CHN2: variants seen among roughly 807,000 people sequenced by gnomAD.
CHN2 encodes chimerin 2.
A neutral mutation model predicts 56.3 loss-of-function variants in CHN2; 35 were observed. The observed-to-expected ratio is 0.62, with a 90% confidence interval of 0.47 to 0.82. The LOEUF (loss-of-function observed/expected upper bound fraction) is 0.82. Among genes scored for constraint, CHN2 ranks in the 40% least tolerant of loss-of-function variants. CHN2 has a pLI of 0.00. For missense variants in CHN2, 491 were observed against 580.5 expected (o/e 0.85, Z 1.58); for synonymous variants, 210 against 212.8 (o/e 0.99, Z 0.12).
chr7:29,149,846 C>G (rs1562795166), intron 2 of CHN2, among the ~76,000 whole-genome samples: 1 of 152,210 alleles, frequency 6.6e-6, no homozygotes, highest in Non-Finnish European at 1.5e-5. Flanking sequence ...GTGTCTGTCT[C>G]TGTGTCCCAA....
At chr7:29,232,368 T>C (rs892919114) in intron 1 of CHN2, among the ~76,000 whole-genome samples, 2 of 152,202 alleles carry the variant, frequency 1.3e-5, no homozygotes, top group Non-Finnish European at 2.9e-5. Context: ...CAGCTCTTAT[T>C]TTCATCTTGT....
chr7:29,263,263 C>T (rs984612395), intron 1 of CHN2, among the ~76,000 whole-genome samples: 8 of 152,218 alleles, frequency 5.3e-5, no homozygotes, highest in Non-Finnish European at 8.8e-5. Context: ...CTCCTGACTG[C>T]GAGTGGTCTG....
Position 29,194,937 on chromosome 7 carries a change from C to A in CHN2, c.-5C>A. On this transcript the variant is annotated 5_prime_UTR_variant, in exon 1 of 13. Transcript: ENST00000222792. The stretch of plus-strand genomic sequence containing the variant: ...AGCGAGCAGCGACGCGAGGGGCGCG[C>A]GGAGATGGCAGCGTCCAGCAACTCC... 1 of 1,567,546 alleles carries A rather than the reference C, an allele frequency of 6.4e-7. No homozygotes were observed. Among genetic ancestry groups the A allele is most frequent in the Non-Finnish European group, 8.6e-7 (1 of 1,160,816 alleles).
At chr7:29,190,183 G>A (rs1378813457), upstream of CHN2, among the ~76,000 whole-genome samples, 1 of 152,202 alleles carries the variant, frequency 6.6e-6, no homozygotes, top group South Asian at 2.1e-4. Context: ...ACTACAGAGC[G>A]AAATATTTCT....
rs534145542 is a variant in CHN2 at position 29,339,579 on chromosome 7, A to C, written c.50-15046A>C. Among the ~76,000 whole-genome samples the C allele has an allele frequency of 3.3e-5, 5 of 152,332 alleles. No homozygotes were observed. The East Asian group carries it at 9.6e-4, about 29-fold the overall frequency. ...CATATTATAACAATGCTAGCCGGGC[A>C]CGGTGGCTCACGCCTATAATCCCAG... On this transcript the variant is annotated intron_variant, in intron 1 of 12. Coordinates refer to ENST00000222792, the MANE Select transcript of CHN2 (RefSeq NM_004067.4).
At chr7:29,492,375 T>A (rs1373285295) in intron 7 of CHN2, among the ~76,000 whole-genome samples, 2 of 152,048 alleles carry the variant, frequency 1.3e-5, no homozygotes, top group Non-Finnish European at 2.9e-5. Flanking sequence ...CTGATTTGAG[T>A]TTCATTTAGC....
At chr7:29,344,204 C>T (rs557312237) in intron 1 of CHN2, among the ~76,000 whole-genome samples, 2 of 152,204 alleles carry the variant, frequency 1.3e-5, no homozygotes, top group African/African-American at 2.4e-5. Flanking sequence ...TCACCTTCCT[C>T]GGTTACTGGA....
chr7:29,238,517 T>A (rs1737929584), intron 1 of CHN2, among the ~76,000 whole-genome samples: 2 of 152,196 alleles, frequency 1.3e-5, no homozygotes, highest in Admixed American at 6.5e-5. Flanking sequence ...GTGCCATGGA[T>A]TCTTCTAGGC....
chr7:29,298,580 T>C (rs951258338), intron 1 of CHN2, among the ~76,000 whole-genome samples: 48 of 152,214 alleles, frequency 3.2e-4, no homozygotes, highest in African/African-American at 1.1e-3. Context: ...TTGCTTTCAT[T>C]TTCCCAAAAA....
intron 6 of CHN2, among the ~76,000 whole-genome samples, chr7:29,465,047 C>T (rs984563068): frequency 1.3e-5 from 2 of 152,174 alleles, no homozygotes; most frequent in East Asian, 1.9e-4. Context: ...TCCTAAAACA[C>T]ATCCCCTTCT....
intron 1 of CHN2, among the ~76,000 whole-genome samples, chr7:29,246,813 A>T (rs1489736056): frequency 1.3e-5 from 2 of 152,156 alleles, no homozygotes; most frequent in Non-Finnish European, 2.9e-5. Context: ...CACATGGTGG[A>T]AGGGATGAGG....
intron 2 of CHN2, among the ~76,000 whole-genome samples, chr7:29,189,746 G>A (rs757496475): frequency 9.2e-5 from 14 of 151,858 alleles, no homozygotes; most frequent in Non-Finnish European, 1.8e-4. Flanking sequence ...TGCAGCGGAT[G>A]GCATGCCTTA....
upstream of CHN2, among the ~76,000 whole-genome samples, chr7:29,191,084 T>A (rs528336466): frequency 6.6e-6 from 1 of 152,098 alleles, no homozygotes; most frequent in East Asian, 1.9e-4. Context: ...ACAGGTTAAC[T>A]ACAACGCCTG....
At chr7:29,350,017 C>T (rs552692805) in intron 1 of CHN2, among the ~76,000 whole-genome samples, 1 of 152,284 alleles carries the variant, frequency 6.6e-6, no homozygotes, top group East Asian at 1.9e-4. Flanking sequence ...ATTTTTCACA[C>T]CACTAATTTT....
intron 1 of CHN2, among the ~76,000 whole-genome samples, chr7:29,264,037 G>T (rs1338456281): frequency 6.7e-6 from 1 of 149,038 alleles, no homozygotes; most frequent in East Asian, 2.1e-4. Flanking sequence ...CGGGTGGGGG[G>T]TGGGGGGCAG....
intron 6 of CHN2, among the ~76,000 whole-genome samples, chr7:29,441,346 TAAAAG>T (rs10585850): frequency 0.023 from 3,450 of 152,290 alleles, 130 homozygotes; most frequent in African/African-American, 0.078. Flanking sequence ...AGTGAAGACT[TAAAAG>T]AAAACATTTC....
chr7:29,485,647 G>A (rs182533982), intron 7 of CHN2, among the ~76,000 whole-genome samples: 76 of 152,338 alleles, frequency 5.0e-4, no homozygotes, highest in Middle Eastern at 3.4e-3. Flanking sequence ...AACAACAGGA[G>A]TGAGAACTTG....
chr7:29,386,642 T>C (rs1800939777), intron 3 of CHN2, among the ~76,000 whole-genome samples: 1 of 152,222 alleles, frequency 6.6e-6, no homozygotes, highest in African/African-American at 2.4e-5. Context: ...TGTCTCTCAC[T>C]GTGCAGCTGT....
At position 29,252,578 on chromosome 7, in the gene CHN2, G is replaced by GTTTTTTTTT. The variant is rs545289689; in HGVS notation, c.49+57608_49+57616dup. On this transcript the variant is annotated intron_variant, in intron 1 of 12. Coordinates refer to ENST00000222792, the MANE Select transcript of CHN2 (RefSeq NM_004067.4). ...CTGTTTGTCTAAAATTGCATTCTTT[G>GTTTTTTTTT]TTTTTTTTTTTTTTTTTTTTTTTTT... is the stretch of plus-strand genomic sequence containing the variant. Among the ~76,000 whole-genome samples, 81 of 19,494 alleles carry GTTTTTTTTT rather than the reference G, an allele frequency of 4.2e-3. 27 individuals carry two copies. The highest frequency in any genetic ancestry group is 5.3e-3 in the Non-Finnish European group (64 of 12,190). The allele number at this position is 19,494 out of a possible 152,430, so 12.8% of individuals were successfully genotyped here. A position where few individuals can be genotyped will look rare whatever the true frequency, so the allele number is the denominator to read the frequency against.
Sources: allele counts gnomAD v4.1 joint callset (sites outside exome capture counted in the v4.1 genomes callset), GRCh38; gene constraint gnomAD v4.1.1; transcripts MANE v1.5; gene names NCBI Gene and HGNC (gene_info 2026-07-23, HGNC 2026-07-21).